ADCY5: variants seen among roughly 807,000 people sequenced by gnomAD.
The protein encoded by ADCY5 is adenylate cyclase 5.
In ADCY5, 30 loss-of-function variants were observed where a neutral mutation model predicts 119.7. The ratio of observed to expected loss-of-function variants is 0.25; its 90% CI spans 0.19 to 0.34. The LOEUF (loss-of-function observed/expected upper bound fraction) is 0.34. Ranked by LOEUF, ADCY5 falls within the 10% of genes least tolerant of loss-of-function variation. ADCY5 has a pLI of 1.00. For synonymous variants in ADCY5, 753 were observed against 762.2 expected (o/e 0.99, Z 0.20); for missense variants, 1,324 against 1,775.2 (o/e 0.75, Z 4.57).
At chr3:123,383,858 C>T (rs1046930444) in intron 1 of ADCY5, among the ~76,000 whole-genome samples, 7 of 151,128 alleles carry the variant, frequency 4.6e-5, no homozygotes, top group African/African-American at 1.7e-4. Flanking sequence ...TCAAGGCACG[C>T]ACACACACAC....
Position 123,447,773 on chromosome 3 carries a change from G to C in ADCY5, c.773C>G (p.Ala258Gly), listed in dbSNP as rs967588609. The change falls in exon 1 of 21, where the codon GCC (alanine) becomes GGC (glycine). Residue 258 changes from alanine to glycine, a missense_variant. Physicochemically the swap from Ala to Gly is moderately conservative, Grantham distance 60. Transcript: ENST00000462833. ...VLVLVCLVML[A>G]FHAARPPLQL... ...GAGCGGGGGCCGCGCCGCGTGGAAG[G>C]CCAACATGACCAGGCACACGAGCAC... 3.1e-6 allele frequency: 5 copies of C among 1,609,534 alleles called. No individual in the cohort carries two copies. The highest frequency in any genetic ancestry group is 4.2e-6 in the Non-Finnish European group (5 of 1,177,600).
chr3:123,340,303 A>G (rs996599353), intron 3 of ADCY5, among the ~76,000 whole-genome samples: 1 of 152,206 alleles, frequency 6.6e-6, no homozygotes, highest in Non-Finnish European at 1.5e-5. Context: ...AAAAAAGTAG[A>G]ATAAAAAAGA....
At chr3:123,443,810 G>A (rs1020150592) in intron 1 of ADCY5, among the ~76,000 whole-genome samples, 3 of 152,194 alleles carry the variant, frequency 2.0e-5, no homozygotes, top group African/African-American at 4.8e-5. Context: ...CAGAAACCAT[G>A]TCAGGCAGAT....
chr3:123,300,182 G>T lies in ADCY5; in HGVS notation c.2838C>A (p.Ile946=). The change falls in exon 15 of 21, where the codon ATC becomes ATA. Residue 946 remains isoleucine, a synonymous_variant. Transcript: ENST00000462833. ...AGAGCGTGACACCTGGCACCTCCAC[G>T]ATGAGCACGTAGATGAGCTCGATGG... ...MLAIELIYVL[I]VEVPGVTLFD... 6.2e-7 allele frequency: 1 copy of T among 1,613,896 alleles called. No individual in the cohort carries two copies. The highest frequency in any genetic ancestry group is 8.5e-7 in the Non-Finnish European group (1 of 1,180,048).
rs760375609 is a variant in ADCY5, at chr3:123,328,715, C to T, written c.1734G>A (p.Arg578=). 3.1e-6 allele frequency: 5 copies of T among 1,614,122 alleles called. No individual in the cohort carries two copies. In the Admixed American group the frequency reaches 8.3e-5, roughly 27 times the overall value. Residue 578 remains arginine (R), a synonymous_variant, in exon 6 of 21, where the codon AGG becomes AGA. Coordinates refer to ENST00000462833, the MANE Select transcript of ADCY5 (RefSeq NM_183357.3). ...GRVHCGVLGL[R]KWQFDVWSND... The stretch of plus-strand genomic sequence containing the variant: ...TAGACCAGACGTCGAACTGCCACTT[C>T]CTGAGACCAAGGACACCGCAGTGTA...
intron 1 of ADCY5, among the ~76,000 whole-genome samples, chr3:123,376,685 A>G (rs1943846982): frequency 6.6e-6 from 1 of 152,134 alleles, no homozygotes; most frequent in East Asian, 1.9e-4. Flanking sequence ...GTGGCCCCAG[A>G]GCAGAGTGGC....
Position 123,314,249 on chromosome 3 carries a change from A to G in ADCY5, c.2428T>C (p.Tyr810His). 6.2e-7 allele frequency: 1 copy of G among 1,612,950 alleles called. No homozygotes were observed. Among genetic ancestry groups the G allele is most frequent in the South Asian group, 1.1e-5 (1 of 91,018 alleles). Residue 810 changes from tyrosine (Y) to histidine (H), a missense_variant, in exon 12 of 21, where the codon TAC becomes CAC. By Grantham distance (83) the Tyr-to-His change is moderately conservative. Around this residue, in one of 6 missense-constraint regions of ADCY5, gnomAD observed 424 missense variants for 546.8 expected, o/e 0.78. Coordinates refer to ENST00000462833, the MANE Select transcript of ADCY5 (RefSeq NM_183357.3). ...GCTACACTCACCTTTACGCAGGAGT[A>G]GATCACAGACACAAACACCACCAAG... Reference protein sequence around the residue: ...LTLVVFVSVIYSCVKLFPSPL... With the variant: ...LTLVVFVSVIHSCVKLFPSPL...
At position 123,325,465 on chromosome 3, in the gene ADCY5, G is replaced by A. The variant is rs935911488; in HGVS notation, c.1948-3C>T. 3.7e-6 allele frequency: 6 copies of A among 1,613,250 alleles called. No individual in the cohort carries two copies. The African/African-American group carries it at 6.7e-5, about 18-fold the overall frequency. ...GCGATCATGGCCTTCTCTTCTTTCT[G>A]GAAGACGAACACAGAGATGGGGGGA... On this transcript the variant is annotated splice_polypyrimidine_tract_variant and splice_region_variant and intron_variant, in intron 7 of 20. Transcript: ENST00000462833.
At chr3:123,360,964 A>T (rs1452883394) in intron 1 of ADCY5, among the ~76,000 whole-genome samples, 1 of 152,208 alleles carries the variant, frequency 6.6e-6, no homozygotes, top group Non-Finnish European at 1.5e-5. Context: ...GATTACACAG[A>T]AAGGAAGCTG....
rs57105101 is a variant in ADCY5 at position 123,359,331 on chromosome 3, AATATATATATATATATATATAT to A, written c.1135-6772_1135-6751del. 8.2e-5 allele frequency among the ~76,000 whole-genome samples: 9 copies of A among 109,766 alleles called. 1 individual carries two copies. The highest frequency in any genetic ancestry group is 2.6e-4 in the African/African-American group (7 of 26,972). 72.0% of individuals were successfully genotyped at this position (109,766 alleles called of 152,430 possible). A position where few individuals can be genotyped will look rare whatever the true frequency, so the allele number is the denominator to read the frequency against. ...AATATTTGGGACCTACTTATACTAA[AATATATATATATATATATATAT>A]ATATATATATTCATTATTTATCTGA... On this transcript the variant is annotated intron_variant, in intron 1 of 20. Transcript: ENST00000462833.
chr3:123,332,705 G>C (rs987630810), intron 3 of ADCY5, 30 bp from the exon 4 acceptor site: 12 of 1,417,106 alleles, frequency 8.5e-6, no homozygotes, highest in Non-Finnish European at 1.2e-5. Context: ...GGAAGACCCT[G>C]CTATAGGCTG....
intron 11 of ADCY5, among the ~76,000 whole-genome samples, chr3:123,314,542 G>T (rs948533701): frequency 6.6e-6 from 1 of 152,212 alleles, no homozygotes; most frequent in East Asian, 1.9e-4. Flanking sequence ...GGGCTTACAC[G>T]GCCTTGCAGG....
intron 3 of ADCY5, among the ~76,000 whole-genome samples, chr3:123,332,890 G>A (rs990166231): frequency 6.6e-6 from 1 of 151,784 alleles, no homozygotes; most frequent in African/African-American, 2.4e-5. Flanking sequence ...AAGTAGCTGG[G>A]ACTACAAGAG....
chr3:123,320,680 G>C, intron 9 of ADCY5, 69 bp downstream of exon 9: 1 of 1,583,994 alleles, frequency 6.3e-7, no homozygotes, highest in Non-Finnish European at 8.7e-7. Flanking sequence ...GAGAAACCAA[G>C]TGATAAGGTG....
intron 8 of ADCY5, among the ~76,000 whole-genome samples, chr3:123,324,267 T>C (rs1318182764): frequency 6.6e-6 from 1 of 152,174 alleles, no homozygotes; most frequent in Admixed American, 6.5e-5. Context: ...GGCTCTTGTC[T>C]GCTGACCCTG....
At chr3:123,290,975 C>T in intron 18 of ADCY5, 138 bp downstream of exon 18, 1 of 1,178,442 alleles carries the variant, frequency 8.5e-7, no homozygotes, top group Non-Finnish European at 1.2e-6. Context: ...CGGTCAGGTT[C>T]CCGCCGGCAG....
chr3:123,371,568 C>T (rs1207014503), intron 1 of ADCY5, among the ~76,000 whole-genome samples: 3 of 152,256 alleles, frequency 2.0e-5, no homozygotes, highest in African/African-American at 7.2e-5. Flanking sequence ...CGCGGCCGGA[C>T]CCAAGCCGGG....
At chr3:123,297,046 C>T in intron 16 of ADCY5, 1 of 1,536,082 alleles carries the variant, frequency 6.5e-7, no homozygotes, top group Non-Finnish European at 8.7e-7. Context: ...GAGGTTCTCA[C>T]ACAGGCTCCT....
chr3:123,344,122 C>T (rs1280478598), intron 3 of ADCY5, among the ~76,000 whole-genome samples: 1 of 152,172 alleles, frequency 6.6e-6, no homozygotes, highest in Non-Finnish European at 1.5e-5. Context: ...CCCGCCCTAT[C>T]CAAGACAAAC....
Sources: allele counts gnomAD v4.1 joint callset (sites outside exome capture counted in the v4.1 genomes callset), GRCh38; gene constraint gnomAD v4.1.1; regional missense constraint gnomAD v4.1.1; transcripts MANE v1.5; gene names NCBI Gene and HGNC (gene_info 2026-07-23, HGNC 2026-07-21).